Variants in DEUP1 observed in about 807,000 individuals in gnomAD.
DEUP1 encodes coiled-coil domain containing 67.
Under a neutral mutation model 87.4 loss-of-function variants are expected in DEUP1, and 82 were observed. That is an observed-to-expected ratio of 0.94 (90% CI 0.78 to 1.13). DEUP1 has a LOEUF of 1.13. Among genes scored for constraint, DEUP1 ranks in the 50% most tolerant of loss-of-function variants. The pLI, the probability that DEUP1 is intolerant of heterozygous loss-of-function variation, is 0.00. For synonymous variants in DEUP1, 214 were observed against 222.7 expected (o/e 0.96, Z 0.35); for missense variants, 663 against 681.5 (o/e 0.97, Z 0.30).
At chr11:93,378,656 G>C (rs1946151002) in intron 7 of DEUP1, among the ~76,000 whole-genome samples, 1 of 152,018 alleles carries the variant, frequency 6.6e-6, no homozygotes, top group Admixed American at 6.5e-5. Flanking sequence ...ACCTTGTTTT[G>C]TCATATTACC....
intron 13 of DEUP1, among the ~76,000 whole-genome samples, chr11:93,431,672 T>C (rs1003766988): frequency 6.6e-6 from 1 of 152,222 alleles, no homozygotes. Flanking sequence ...ACAACTATTG[T>C]AAGGCTATTT....
At chr11:93,409,987 C>T (rs554421800) in intron 12 of DEUP1, among the ~76,000 whole-genome samples, 2 of 152,088 alleles carry the variant, frequency 1.3e-5, no homozygotes, top group African/African-American at 4.8e-5. Context: ...GTGCCAGACT[C>T]ATCTTTTTAA....
chr11:93,389,096 C>A lies in DEUP1; in HGVS notation c.1012C>A (p.Gln338Lys). 1 of 1,597,110 alleles carries A rather than the reference C, an allele frequency of 6.3e-7. No homozygotes were observed. Among genetic ancestry groups the A allele is most frequent in the South Asian group, 1.1e-5 (1 of 87,254 alleles). Residue 338 changes from glutamine (Q) to lysine (K), a missense_variant, in exon 9 of 14, where the codon CAA becomes AAA. By Grantham distance (53) the Gln-to-Lys change is moderately conservative (BLOSUM62 1). Coordinates refer to ENST00000298050, the MANE Select transcript of DEUP1 (RefSeq NM_181645.4). ...AGAGCTGTTTTCAGTGATGCAAGAT[C>A]AACCAAATCATGAAAAAGAATTGAA... The part of the protein sequence containing the change: ...IKELFSVMQD[Q>K]PNHEKELNKI...
chr11:93,361,532 A>G (rs1372935953), intron 4 of DEUP1, among the ~76,000 whole-genome samples: 1 of 152,140 alleles, frequency 6.6e-6, no homozygotes, highest in African/African-American at 2.4e-5. Flanking sequence ...GGAAAGTAAG[A>G]TTTCTACACT....
chr11:93,396,099 C>G, intron 10 of DEUP1, 140 bp from the exon 11 acceptor site: 1 of 633,946 alleles, frequency 1.6e-6, no homozygotes, highest in South Asian at 2.0e-5. Flanking sequence ...AATAAGAATA[C>G]CTGAATGTTA....
intron 4 of DEUP1, 193 bp downstream of exon 4, chr11:93,357,236 C>A (rs549890875): frequency 4.0e-5 from 19 of 478,166 alleles, no homozygotes; most frequent in African/African-American, 3.6e-4. Flanking sequence ...GCTATATTTT[C>A]TGTGCCTCTG....
chr11:93,435,743 TC>T (rs2134521513), intron 13 of DEUP1, among the ~76,000 whole-genome samples: 1 of 152,274 alleles, frequency 6.6e-6, no homozygotes, highest in South Asian at 2.1e-4. Flanking sequence ...ACGCCTGTAA[TC>T]CCAGCACTTT....
chr11:93,400,229 T>G (rs1263513720), intron 11 of DEUP1, among the ~76,000 whole-genome samples: 2 of 152,168 alleles, frequency 1.3e-5, no homozygotes. Flanking sequence ...AGAAATTTAT[T>G]GTCTTACAGT....
At chr11:93,387,645 T>G (rs1946623703) in intron 8 of DEUP1, among the ~76,000 whole-genome samples, 1 of 152,146 alleles carries the variant, frequency 6.6e-6, no homozygotes, top group Admixed American at 6.5e-5. Flanking sequence ...TCACTGAATT[T>G]TGCAAGACCA....
intron 11 of DEUP1, among the ~76,000 whole-genome samples, chr11:93,407,073 G>A (rs1349721731): frequency 6.6e-6 from 1 of 151,878 alleles, no homozygotes; most frequent in East Asian, 1.9e-4. Flanking sequence ...AGGGGAGGGG[G>A]CTGGACATTT....
intron 11 of DEUP1, among the ~76,000 whole-genome samples, chr11:93,407,910 A>C (rs369725512): frequency 1.3e-5 from 2 of 151,880 alleles, no homozygotes; most frequent in African/African-American, 2.4e-5. Context: ...ACCTAAATAG[A>C]TACAGAGAGC....
chr11:93,396,181 A>G, intron 10 of DEUP1, 58 bp from the exon 11 acceptor site: 1 of 1,075,720 alleles, frequency 9.3e-7, no homozygotes, highest in South Asian at 1.5e-5. Context: ...CAAAATTTTA[A>G]TAGAATTATG....
chr11:93,350,925 G>C (rs903703072), intron 2 of DEUP1, among the ~76,000 whole-genome samples: 1 of 151,014 alleles, frequency 6.6e-6, no homozygotes, highest in Non-Finnish European at 1.5e-5. Flanking sequence ...CACTGCCCTC[G>C]AGCCTGGGCA....
intron 13 of DEUP1, 60 bp downstream of exon 13, chr11:93,415,174 T>C (rs185440497): frequency 2.8e-4 from 272 of 987,600 alleles, no homozygotes; most frequent in Non-Finnish European, 3.9e-4. Context: ...ACTCTTACAC[T>C]GATGTCAATA....
chr11:93,369,160 G>A (rs1945578043), intron 5 of DEUP1, among the ~76,000 whole-genome samples: 1 of 151,962 alleles, frequency 6.6e-6, no homozygotes, highest in African/African-American at 2.4e-5. Flanking sequence ...GAAAGAGAGA[G>A]GAAACAAAAT....
rs1203620089 is a variant in DEUP1, at chr11:93,394,474, C to G, written c.1057C>G (p.Gln353Glu). The change falls in exon 10 of 14, where the codon CAA becomes GAA. Residue 353 changes from glutamine (Q) to glutamate (E), a missense_variant. Physicochemically the swap from Gln to Glu is conservative, Grantham distance 29. Coordinates refer to ENST00000298050, the MANE Select transcript of DEUP1 (RefSeq NM_181645.4). The stretch of plus-strand genomic sequence containing the variant: ...TCTGCTGCAGATAAGAAGCCAACTC[C>G]AACAGGTGGAAGAGTACCATAACTC... ...KELNKIRSQLQQVEEYHNSEQ... is the reference protein window; with the variant it reads ...KELNKIRSQLEQVEEYHNSEQ... 1.3e-6 allele frequency: 2 copies of G among 1,571,782 alleles called. No individual in the cohort carries two copies. The highest frequency in any genetic ancestry group is 2.7e-5 in the African/African-American group (2 of 72,836).
chr11:93,403,699 TTC>T (rs1947188336), intron 11 of DEUP1, among the ~76,000 whole-genome samples: 1 of 151,762 alleles, frequency 6.6e-6, no homozygotes, highest in Non-Finnish European at 1.5e-5. Context: ...TCAGTTAATT[TTC>T]TCTTTCTGCT....
chr11:93,389,217 T>G (rs893475517), intron 9 of DEUP1, 92 bp downstream of exon 9: 1 of 717,518 alleles, frequency 1.4e-6, no homozygotes, highest in Non-Finnish European at 2.3e-6. Flanking sequence ...CTCACTCCCT[T>G]TGTTTTCCTT....
intron 11 of DEUP1, among the ~76,000 whole-genome samples, chr11:93,400,724 C>A (rs1449947059): frequency 6.6e-6 from 1 of 152,084 alleles, no homozygotes; most frequent in African/African-American, 2.4e-5. Flanking sequence ...TGAAGATCTG[C>A]AGACTTCCAG....
Sources: gnomAD v4.1 joint callset for allele counts (sites outside exome capture counted in the v4.1 genomes callset) on GRCh38, gnomAD v4.1.1 for gene constraint, MANE v1.5 for transcripts, NCBI Gene and HGNC (gene_info 2026-07-23, HGNC 2026-07-21) for gene names.